TCF7L2: variants seen among roughly 807,000 people sequenced by gnomAD.
The protein encoded by TCF7L2 is transcription factor 7 like 2.
TCF7L2 carries 23 observed loss-of-function variants against 77.9 expected under a neutral mutation model. That is an observed-to-expected ratio of 0.30 (90% CI 0.21 to 0.42). TCF7L2 has a LOEUF of 0.42. TCF7L2 is among the 10% of genes least tolerant of loss of function. The pLI, the probability that TCF7L2 is intolerant of heterozygous loss-of-function variation, is 1.00. For missense variants in TCF7L2, 654 were observed against 793.1 expected (o/e 0.82, Z 2.11); for synonymous variants, 413 against 340.2 (o/e 1.21, Z -2.36).
At chr10:113,109,697 G>T (rs937858476) in intron 5 of TCF7L2, among the ~76,000 whole-genome samples, 4 of 152,194 alleles carry the variant, frequency 2.6e-5, no homozygotes, top group Admixed American at 2.6e-4. Flanking sequence ...GCTGGGTGTG[G>T]GATTTAAGTG....
At chr10:113,089,716 A>G (rs969094177) in intron 5 of TCF7L2, among the ~76,000 whole-genome samples, 1 of 152,154 alleles carries the variant, frequency 6.6e-6, no homozygotes, top group African/African-American at 2.4e-5. Flanking sequence ...TGATAGGGAT[A>G]TCATAGCCAT....
intron 7 of TCF7L2, among the ~76,000 whole-genome samples, chr10:113,145,137 A>G (rs892996961): frequency 6.6e-6 from 1 of 151,802 alleles, no homozygotes; most frequent in Non-Finnish European, 1.5e-5. Context: ...TTAATAAAAA[A>G]CAGATTGCAT....
chr10:113,099,689 G>C (rs953579327), intron 5 of TCF7L2, among the ~76,000 whole-genome samples: 7 of 152,262 alleles, frequency 4.6e-5, no homozygotes, highest in Admixed American at 1.3e-4. Flanking sequence ...GTGAACAGTA[G>C]ATGATGCTTC....
At chr10:113,128,245 A>T (rs986378349) in intron 5 of TCF7L2, among the ~76,000 whole-genome samples, 25 of 152,184 alleles carry the variant, frequency 1.6e-4, no homozygotes, top group African/African-American at 6.0e-4. Flanking sequence ...GGAAGGCCAG[A>T]TAAGTCCAGA....
intron 5 of TCF7L2, among the ~76,000 whole-genome samples, chr10:113,046,101 C>A (rs11196203): frequency 0.15 from 22,053 of 152,054 alleles, 1,708 homozygotes; most frequent in Middle Eastern, 0.17. Context: ...GAGTCTATGT[C>A]AGATGTCCAA....
Position 113,089,455 on chromosome 10 carries a change from C to T in TCF7L2, c.552+49329C>T, listed in dbSNP as rs1018211508. On this transcript the variant is annotated intron_variant, in intron 5 of 13. Coordinates refer to ENST00000627217, the MANE Select transcript of TCF7L2 (RefSeq NM_001146274.2). ...GACTGTCAGCACTTCTACCCCCCCTCAGACTTCACTGTCAGCACTCAAGTC... is the reference window on the plus strand; with the variant it reads ...GACTGTCAGCACTTCTACCCCCCCTTAGACTTCACTGTCAGCACTCAAGTC... 8.7e-6 allele frequency: 14 copies of T among 1,613,880 alleles called. No homozygotes were observed. The highest frequency in any genetic ancestry group is 1.2e-5 in the Non-Finnish European group (14 of 1,179,862).
At chr10:113,124,476 G>T (rs1203643651) in intron 5 of TCF7L2, among the ~76,000 whole-genome samples, 1 of 152,102 alleles carries the variant, frequency 6.6e-6, no homozygotes, top group Admixed American at 6.5e-5. Context: ...GAAAAGGGGG[G>T]TGGAAATATC....
intron 5 of TCF7L2, among the ~76,000 whole-genome samples, chr10:113,051,861 C>T: frequency 6.6e-6 from 1 of 152,150 alleles, no homozygotes; most frequent in Admixed American, 6.5e-5. Flanking sequence ...CTCCTTGGGA[C>T]AACTGAAGAA....
chr10:113,052,121 G>T (rs1034142063), intron 5 of TCF7L2, among the ~76,000 whole-genome samples: 1 of 152,160 alleles, frequency 6.6e-6, no homozygotes, highest in African/African-American at 2.4e-5. Context: ...GGTTCTGTAC[G>T]TTTTCCTTTA....
At chr10:112,976,690 TAAC>T (rs2039481922) in intron 4 of TCF7L2, among the ~76,000 whole-genome samples, 1 of 152,228 alleles carries the variant, frequency 6.6e-6, no homozygotes, top group South Asian at 2.1e-4. Context: ...AATTTTTAAA[TAAC>T]AGCCCCTTTT....
chr10:112,961,101 C>G (rs1333820977), intron 3 of TCF7L2, among the ~76,000 whole-genome samples: 1 of 151,988 alleles, frequency 6.6e-6, no homozygotes, highest in Non-Finnish European at 1.5e-5. Context: ...GCAACCTCCC[C>G]CTCCCGGGTT....
intron 4 of TCF7L2, among the ~76,000 whole-genome samples, chr10:112,975,777 C>A (rs564871043): frequency 4.6e-5 from 7 of 152,186 alleles, no homozygotes; most frequent in Admixed American, 4.6e-4. Context: ...CCGCCATGGT[C>A]GGCCTGTAGG....
At chr10:113,083,632 G>T (rs1434722408) in intron 5 of TCF7L2, among the ~76,000 whole-genome samples, 1 of 152,158 alleles carries the variant, frequency 6.6e-6, no homozygotes, top group East Asian at 1.9e-4. Context: ...TGTCTCCAAG[G>T]TTACGCGTGT....
intron 4 of TCF7L2, among the ~76,000 whole-genome samples, chr10:113,032,224 A>C (rs1248240709): frequency 1.3e-5 from 2 of 152,328 alleles, no homozygotes; most frequent in East Asian, 3.9e-4. Context: ...GTGAAATTCC[A>C]TACCGATTGT....
chr10:113,088,792 A>G (rs753169), intron 5 of TCF7L2, among the ~76,000 whole-genome samples: 1 of 151,430 alleles, frequency 6.6e-6, no homozygotes, highest in African/African-American at 2.5e-5. Context: ...TTCTGCCTCC[A>G]CAAAAAAATA....
chr10:113,122,103 A>G (rs1292317339), intron 5 of TCF7L2, among the ~76,000 whole-genome samples: 5 of 152,218 alleles, frequency 3.3e-5, no homozygotes, highest in Admixed American at 3.3e-4. Context: ...CCTCTTGGCA[A>G]AGGATATGTC....
At chr10:113,129,982 T>A in intron 5 of TCF7L2, 1 of 1,282,430 alleles carries the variant, frequency 7.8e-7, no homozygotes, top group South Asian at 1.3e-5. Context: ...CAATTTGAAT[T>A]GCTGGGTGAG....
Position 112,950,463 on chromosome 10 carries a change from T to TTTA in TCF7L2, c.-294_-293insTTA. On this transcript the variant is annotated 5_prime_UTR_variant, in exon 1 of 14. Coordinates refer to ENST00000627217, the MANE Select transcript of TCF7L2 (RefSeq NM_001146274.2). ...TTGTTGTTGGTGTTTTTTTTTTTTT[T>TTTA]ACCCCCCTTTTTTATTTATTATTTT... The TTTA allele has an allele frequency of 1.1e-5, 3 of 272,184 alleles. No homozygotes were observed. The highest frequency in any genetic ancestry group is 1.4e-5 in the Non-Finnish European group (2 of 144,854). 16.9% of individuals were successfully genotyped at this position (272,184 alleles called of 1,614,324 possible).
chr10:113,100,793 C>T (rs142160078), intron 5 of TCF7L2, among the ~76,000 whole-genome samples: 178 of 152,294 alleles, frequency 1.2e-3, no homozygotes, highest in African/African-American at 3.9e-3. Flanking sequence ...TTCCATCCTT[C>T]GGCTGGGCGT....
Sources: allele counts gnomAD v4.1 joint callset (sites outside exome capture counted in the v4.1 genomes callset), GRCh38; gene constraint gnomAD v4.1.1; transcripts MANE v1.5; gene names NCBI Gene and HGNC (gene_info 2026-07-23, HGNC 2026-07-21).